Variants in ZNF610 observed in about 807,000 individuals in gnomAD.
ZNF610 encodes the protein zink finger protein.
Under a neutral mutation model 14.1 loss-of-function variants are expected in ZNF610, and 14 were observed. The ratio of observed to expected loss-of-function variants is 0.99; its 90% CI spans 0.65 to 1.55. The LOEUF (loss-of-function observed/expected upper bound fraction) is 1.55. ZNF610 is among the 40% of genes most tolerant of loss of function. The pLI is 0.00. For synonymous variants in ZNF610, 185 were observed against 187.6 expected (o/e 0.99, Z 0.11); for missense variants, 530 against 558.0 (o/e 0.95, Z 0.51).
At chr19:52,344,757 A>C (rs946777399) in intron 1 of ZNF610, among the ~76,000 whole-genome samples, 23 of 152,184 alleles carry the variant, frequency 1.5e-4, no homozygotes, top group Non-Finnish European at 2.9e-4. Context: ...ATTTCTTGCC[A>C]TTCCGAGTAG....
chr19:52,357,684 G>A (rs780874878), intron 5 of ZNF610, among the ~76,000 whole-genome samples: 45 of 147,724 alleles, frequency 3.0e-4, no homozygotes, highest in Non-Finnish European at 5.1e-4. Flanking sequence ...TAAAAAATTA[G>A]CCAGGCATGG....
chr19:52,362,139 A>G (rs540883786), intron 5 of ZNF610, among the ~76,000 whole-genome samples: 63 of 152,332 alleles, frequency 4.1e-4, no homozygotes, highest in Middle Eastern at 3.4e-3. Flanking sequence ...GAATCACACT[A>G]TGGGATTACG....
upstream of ZNF610, among the ~76,000 whole-genome samples, chr19:52,333,408 A>C (rs2657941): frequency 0.12 from 17,567 of 152,136 alleles, 1,859 homozygotes; most frequent in African/African-American, 0.28. Flanking sequence ...AAAGCCTAAG[A>C]AAGTACAACA....
chr19:52,365,774 T>C lies in ZNF610; in HGVS notation c.396T>C (p.His132=), dbSNP rs1985992348. The C allele has an allele frequency of 6.2e-7, 1 of 1,614,192 alleles. No homozygotes were observed. Among genetic ancestry groups the C allele is most frequent in the Non-Finnish European group, 8.5e-7 (1 of 1,180,042 alleles). The change falls in exon 6 of 6, where the codon CAT becomes CAC. Residue 132 remains histidine, a synonymous_variant. Coordinates refer to ENST00000403906, the MANE Select transcript of ZNF610 (RefSeq NM_001161425.2). ...AACTTGGATTAACCCTTGAGGCACA[T>C]CTGTCTGAATTGCAGCTGTTTCAAG... ...KNQLGLTLEA[H]LSELQLFQAG... is the part of the protein sequence containing the mutation.
intron 1 of ZNF610, among the ~76,000 whole-genome samples, chr19:52,340,916 G>A (rs1273346716): frequency 6.6e-6 from 1 of 151,866 alleles, no homozygotes; most frequent in Non-Finnish European, 1.5e-5. Flanking sequence ...CCTGACCTCA[G>A]GTGATCTGCC....
intron 1 of ZNF610, among the ~76,000 whole-genome samples, chr19:52,338,922 C>CACGCCGGAGGACCG (rs1555800692): frequency 2.0e-5 from 3 of 151,784 alleles, no homozygotes; most frequent in Admixed American, 6.6e-5. Context: ...ACGGAGGACC[C>CACGCCGGAGGACCG]GCGCCGGCCC....
At chr19:52,354,870 C>T (rs1337689371) in intron 5 of ZNF610, among the ~76,000 whole-genome samples, 1 of 152,112 alleles carries the variant, frequency 6.6e-6, no homozygotes, top group Non-Finnish European at 1.5e-5. Context: ...TGAGCCACCA[C>T]ACCCAGCCCA....
intron 5 of ZNF610, among the ~76,000 whole-genome samples, chr19:52,354,989 C>G (rs932296811): frequency 1.8e-4 from 28 of 152,186 alleles, no homozygotes; most frequent in African/African-American, 6.8e-4. Context: ...TCTTTGCTCT[C>G]TCTTGTCACT....
At chr19:52,340,238 G>A (rs757118347) in intron 1 of ZNF610, among the ~76,000 whole-genome samples, 19 of 152,104 alleles carry the variant, frequency 1.2e-4, no homozygotes, top group Non-Finnish European at 2.2e-4. Context: ...TAAAAAATTA[G>A]CTGGGCGTAG....
intron 5 of ZNF610, among the ~76,000 whole-genome samples, 199 bp downstream of exon 5, chr19:52,354,578 CTATTTTTTTTTTT>C (rs1985432688): frequency 7.8e-6 from 1 of 128,104 alleles, no homozygotes; most frequent in Non-Finnish European, 1.6e-5. Flanking sequence ...CAAAGCCATA[CTATTTTTTTTTTT>C]TTTTTTTTTT....
chr19:52,336,228 C>T, upstream of ZNF610: 1 of 241,142 alleles, frequency 4.1e-6, no homozygotes, highest in Non-Finnish European at 8.0e-6. Flanking sequence ...CTATGCTGCG[C>T]GCGCGCAGTT....
At chr19:52,335,061 G>C (rs552870112), upstream of ZNF610, among the ~76,000 whole-genome samples, 228 of 55,276 alleles carry the variant, frequency 4.1e-3, no homozygotes, top group Non-Finnish European at 6.0e-3. Context: ...TTTGGGGGCC[G>C]GGGCGTGGGG....
At chr19:52,336,176 T>C (rs751912723), upstream of ZNF610, 7 of 169,594 alleles carry the variant, frequency 4.1e-5, no homozygotes, top group Non-Finnish European at 7.6e-5. Context: ...ACTGGAGGCG[T>C]GGCCTAGGGA....
In ZNF610 at chr19:52,356,582, G is replaced by T. The variant is rs1985531848; in HGVS notation, c.319+2203G>T. On this transcript the variant is annotated intron_variant, in intron 5 of 5. Transcript: ENST00000403906. ...AGTGTGGTTTTTTTAAATGCACAGG[G>T]TATGCCTCAGCAGGAGAGTCTCTAA... is the stretch of plus-strand genomic sequence containing the variant. Among the ~76,000 whole-genome samples the T allele has an allele frequency of 2.0e-5, 3 of 152,078 alleles. No individual in the cohort carries two copies. The South Asian group carries it at 6.2e-4, about 31-fold the overall frequency.
chr19:52,331,871 C>T (rs1387667805), upstream of ZNF610, among the ~76,000 whole-genome samples: 1 of 152,176 alleles, frequency 6.6e-6, no homozygotes, highest in East Asian at 1.9e-4. Flanking sequence ...ACATTTGCCC[C>T]CTTTGTTCAA....
At chr19:52,362,610 GTTCTGTTTTCCTTTCCTT>G (rs1955929605) in intron 5 of ZNF610, among the ~76,000 whole-genome samples, 1 of 152,150 alleles carries the variant, frequency 6.6e-6, no homozygotes, top group African/African-American at 2.4e-5. Flanking sequence ...GTTCTGGTGT[GTTCTGTTTTCCTTTCCTT>G]TTCTATCAAG....
chr19:52,344,305 C>G (rs1025379080), intron 1 of ZNF610, among the ~76,000 whole-genome samples: 1 of 128,612 alleles, frequency 7.8e-6, no homozygotes, highest in Admixed American at 7.8e-5. Flanking sequence ...GTAGTACCTT[C>G]TTAGGATTCT....
intron 5 of ZNF610, among the ~76,000 whole-genome samples, chr19:52,364,147 T>C (rs10420812): frequency 0.016 from 2,466 of 152,336 alleles, 46 homozygotes; most frequent in African/African-American, 0.051. Flanking sequence ...CTATTTGTTA[T>C]TGTGCTAGAA....
intron 4 of ZNF610, 147 bp downstream of exon 4, chr19:52,353,955 G>A: frequency 9.0e-7 from 1 of 1,115,976 alleles, no homozygotes; most frequent in Non-Finnish European, 1.3e-6. Flanking sequence ...ATGCTCTCTG[G>A]ATTTGAAATG....
Sources: allele counts gnomAD v4.1 joint callset (sites outside exome capture counted in the v4.1 genomes callset), GRCh38; gene constraint gnomAD v4.1.1; transcripts MANE v1.5; gene names NCBI Gene and HGNC (gene_info 2026-07-23, HGNC 2026-07-21).